Variants in ZFPM1 observed in about 807,000 individuals in gnomAD.
The protein encoded by ZFPM1 is zinc finger protein, FOG family member 1.
In ZFPM1, 28 loss-of-function variants were observed where a neutral mutation model predicts 46.3. The ratio of observed to expected loss-of-function variants is 0.60; its 90% CI spans 0.45 to 0.83. ZFPM1 has a LOEUF of 0.83. Among genes scored for constraint, ZFPM1 ranks in the 40% least tolerant of loss-of-function variants. The pLI is 0.00. For missense variants in ZFPM1, 1,878 were observed against 1,432.4 expected (o/e 1.31, Z -5.02); for synonymous variants, 957 against 675.9 (o/e 1.42, Z -6.45).
chr16:88,498,288 C>T (rs1910055115), intron 3 of ZFPM1, among the ~76,000 whole-genome samples: 1 of 152,188 alleles, frequency 6.6e-6, no homozygotes, highest in South Asian at 2.1e-4. Context: ...GGCTGTGTGT[C>T]TCGCAGCCAC....
chr16:88,510,850 C>T (rs1037160795), intron 3 of ZFPM1, among the ~76,000 whole-genome samples: 9 of 152,194 alleles, frequency 5.9e-5, no homozygotes, highest in African/African-American at 1.9e-4. Flanking sequence ...CCCCCATGTA[C>T]GTTGGGAGGA....
At position 88,534,578 on chromosome 16, in the gene ZFPM1, CG is replaced by C; in HGVS notation, c.2621del (p.Arg874ProfsTer132). The C allele has an allele frequency of 7.8e-7, 1 of 1,289,314 alleles. No homozygotes were observed. The highest frequency in any genetic ancestry group is 9.8e-7 in the Non-Finnish European group (1 of 1,017,308). The allele number at this position is 1,289,314 out of a possible 1,614,324, so 79.9% of individuals were successfully genotyped here. On this transcript the variant is annotated frameshift_variant, in exon 10 of 10. Coordinates refer to ENST00000319555, the MANE Select transcript of ZFPM1 (RefSeq NM_153813.3). LOFTEE classifies it low-confidence loss of function (END_TRUNC). ...GCGCGGGGACCTGCTGGAGCATTTC[CG>C]CCTGGCGCACGGCCTGCTGCTCGGC... is the stretch of plus-strand genomic sequence containing the variant. ...PVRGDLLEHFRLAHGLLLGAP... is the reference protein window; with the variant it reads ...PVRGDLLEHFXLAHGLLLGAP...
rs1908423041 is a variant in ZFPM1 at position 88,471,564 on chromosome 16, C to G, written c.41-14375C>G. On this transcript the variant is annotated intron_variant, in intron 1 of 9. Coordinates refer to ENST00000319555, the MANE Select transcript of ZFPM1 (RefSeq NM_153813.3). The surrounding 1 kb of genome is among the most constrained non-coding windows in gnomAD (Gnocchi z 4.1). ...CAAGATGACCATGGCTGCGGTGGCT[C>G]CTGCTCACAGTGGGGGACGCCAGGA... is the stretch of plus-strand genomic sequence containing the variant. 1.3e-5 allele frequency among the ~76,000 whole-genome samples: 2 copies of G among 152,018 alleles called. No individual in the cohort carries two copies. Among genetic ancestry groups the G allele is most frequent in the South Asian group, 4.2e-4 (2 of 4,816 alleles).
At chr16:88,533,051 T>TTCCCCCCCCCC in intron 9 of ZFPM1, 97 bp from the exon 10 acceptor site, 2 of 1,351,630 alleles carry the variant, frequency 1.5e-6, no homozygotes, top group Non-Finnish European at 1.0e-6. Context: ...TCTAAACCAC[T>TTCCCCCCCCCC]CCCGCCCACC....
At chr16:88,460,415 C>T (rs881255) in intron 1 of ZFPM1, among the ~76,000 whole-genome samples, 7,301 of 152,248 alleles carry the variant, frequency 0.048, 226 homozygotes, top group South Asian at 0.089. Flanking sequence ...GTCATGGTGG[C>T]GGCCCTCCCT....
intron 6 of ZFPM1, among the ~76,000 whole-genome samples, chr16:88,528,707 T>G (rs1912543021): frequency 6.6e-6 from 1 of 151,724 alleles, no homozygotes; most frequent in African/African-American, 2.4e-5. Flanking sequence ...CACCTCCAAG[T>G]TGTGACAACC....
intron 3 of ZFPM1, among the ~76,000 whole-genome samples, chr16:88,502,519 C>T (rs1227828204): frequency 1.3e-5 from 2 of 152,206 alleles, no homozygotes; most frequent in Non-Finnish European, 2.9e-5. Flanking sequence ...CTGGATCCAC[C>T]CTGGAGTCAC....
chr16:88,479,968 C>T (rs760556039), intron 1 of ZFPM1, among the ~76,000 whole-genome samples: 1 of 151,342 alleles, frequency 6.6e-6, no homozygotes, highest in African/African-American at 2.4e-5. Flanking sequence ...GAAACAGTGA[C>T]AGCAGCTGTG....
intron 7 of ZFPM1, 125 bp from the exon 8 acceptor site, chr16:88,532,489 T>G: frequency 1.9e-6 from 2 of 1,038,780 alleles, no homozygotes; most frequent in Non-Finnish European, 2.8e-6. Context: ...AGGAGGGGTT[T>G]AAAGACCCTT....
chr16:88,478,588 G>T lies in ZFPM1; in HGVS notation c.41-7351G>T, dbSNP rs577837306. On this transcript the variant is annotated intron_variant, in intron 1 of 9. Transcript: ENST00000319555. ...GTTGCGGGCCCACAGAGGCACACAT[G>T]CCCCCTCCCAGTCCAGCCGGTGAAC... 2.6e-5 allele frequency among the ~76,000 whole-genome samples: 4 copies of T among 152,378 alleles called. No individual in the cohort carries two copies. In the South Asian group the frequency reaches 8.3e-4, roughly 32 times the overall value.
upstream of ZFPM1, among the ~76,000 whole-genome samples, chr16:88,452,682 C>T (rs941052896): frequency 1.3e-5 from 2 of 152,280 alleles, no homozygotes; most frequent in Non-Finnish European, 2.9e-5. Context: ...CCCCACCGCG[C>T]ACGTGGAGCG....
intron 4 of ZFPM1, among the ~76,000 whole-genome samples, chr16:88,521,824 G>T (rs1017219401): frequency 7.7e-6 from 1 of 130,642 alleles, no homozygotes; most frequent in Non-Finnish European, 1.6e-5. Flanking sequence ...CCCCTGTGCT[G>T]TTCCCTCCCC....
At chr16:88,475,954 G>A (rs1280231243) in intron 1 of ZFPM1, among the ~76,000 whole-genome samples, 9 of 152,250 alleles carry the variant, frequency 5.9e-5, no homozygotes, top group Non-Finnish European at 8.8e-5. Flanking sequence ...TCCACCCCTC[G>A]GTTACTGGGT....
intron 4 of ZFPM1, among the ~76,000 whole-genome samples, chr16:88,523,687 C>T (rs1403397691): frequency 1.3e-5 from 2 of 152,198 alleles, no homozygotes; most frequent in South Asian, 2.1e-4. Context: ...AGCCTGTGGT[C>T]GCAGAAGTAG....
chr16:88,494,420 G>A (rs1005367427), intron 3 of ZFPM1, among the ~76,000 whole-genome samples: 13 of 152,132 alleles, frequency 8.5e-5, no homozygotes, highest in South Asian at 2.1e-4. Flanking sequence ...TTGCAGTGCG[G>A]CCCCGCTGTC....
At chr16:88,523,779 C>T (rs542159485) in intron 4 of ZFPM1, among the ~76,000 whole-genome samples, 273 of 152,284 alleles carry the variant, frequency 1.8e-3, no homozygotes, top group Middle Eastern at 6.8e-3. Context: ...ACCCCTAGGT[C>T]TCCTACCTGT....
intron 4 of ZFPM1, chr16:88,516,144 C>A: frequency 2.5e-6 from 1 of 398,590 alleles, no homozygotes; most frequent in South Asian, 1.3e-4. Context: ...GATGTTAAGT[C>A]AATTGCCCAA....
At chr16:88,526,224 C>T (rs1003495916) in intron 4 of ZFPM1, among the ~76,000 whole-genome samples, 8 of 152,200 alleles carry the variant, frequency 5.3e-5, no homozygotes, top group African/African-American at 1.7e-4. Flanking sequence ...GGCCCTGCCA[C>T]GCCCTGTGGC....
At chr16:88,474,067 A>C (rs1051752256) in intron 1 of ZFPM1, among the ~76,000 whole-genome samples, 1 of 152,226 alleles carries the variant, frequency 6.6e-6, no homozygotes, top group African/African-American at 2.4e-5. Flanking sequence ...GCGGTGATGA[A>C]TGTTGAGTAA....
Sources: allele counts gnomAD v4.1 joint callset (sites outside exome capture counted in the v4.1 genomes callset), GRCh38; gene constraint gnomAD v4.1.1; non-coding constraint Gnocchi (gnomAD v3.1); transcripts MANE v1.5; gene names NCBI Gene and HGNC (gene_info 2026-07-23, HGNC 2026-07-21).